The following CSMD3 variants were observed in gnomAD, a reference collection of about 807,000 sequenced individuals.
CSMD3 encodes CUB and sushi domain-containing protein 3.
Under a neutral mutation model 435.2 loss-of-function variants are expected in CSMD3, and 177 were observed. That is an observed-to-expected ratio of 0.41 (90% CI 0.36 to 0.46). The LOEUF is 0.46. CSMD3 is among the 20% of genes least tolerant of loss of function. The pLI is 0.34. For missense variants in CSMD3, 4,265 were observed against 4,504.6 expected (o/e 0.95, Z 1.52); for synonymous variants, 1,656 against 1,520.5 (o/e 1.09, Z -2.07).
chr8:112,888,002 C>T (rs529987998), intron 10 of CSMD3, among the ~76,000 whole-genome samples: 2 of 151,648 alleles, frequency 1.3e-5, no homozygotes, highest in South Asian at 4.1e-4. Context: ...ATTTCCCCTA[C>T]GTACATATAT....
At chr8:112,258,987 C>T (rs575984573) in intron 61 of CSMD3, among the ~76,000 whole-genome samples, 1 of 151,742 alleles carries the variant, frequency 6.6e-6, no homozygotes, top group Non-Finnish European at 1.5e-5. Context: ...TGCAGTGAGC[C>T]GAGATCGTGC....
chr8:113,136,044 C>A (rs1434127633), intron 4 of CSMD3, among the ~76,000 whole-genome samples: 3 of 151,612 alleles, frequency 2.0e-5, no homozygotes, highest in African/African-American at 4.8e-5. Context: ...AATTGAGAAA[C>A]TTAAGACATA....
intron 59 of CSMD3, among the ~76,000 whole-genome samples, chr8:112,271,782 G>T (rs184373495): frequency 6.6e-6 from 1 of 152,250 alleles, no homozygotes; most frequent in East Asian, 1.9e-4. Flanking sequence ...TATTATTTAT[G>T]AGAAGAAATA....
At chr8:113,328,950 C>T (rs2094006085) in intron 1 of CSMD3, among the ~76,000 whole-genome samples, 1 of 151,040 alleles carries the variant, frequency 6.6e-6, no homozygotes, top group African/African-American at 2.4e-5. Context: ...TCATGTTGCC[C>T]AGGCTAGGCT....
rs192282705 is a variant in CSMD3, at chr8:112,695,781, G to A, written c.1973-5731C>T. 1.2e-3 allele frequency among the ~76,000 whole-genome samples: 187 copies of A among 152,248 alleles called. 1 individual carries two copies. Among genetic ancestry groups the A allele is most frequent in the African/African-American group, 4.2e-3 (174 of 41,532 alleles). On this transcript the variant is annotated intron_variant, in intron 13 of 70. Transcript: ENST00000297405. The stretch of plus-strand genomic sequence containing the variant: ...AAAGGGTATTCAGTTAGGAAAAGTG[G>A]AAGTCAAATTGTCCCTGTTTGCAGA...
At chr8:113,190,919 C>T (rs1234827194) in intron 3 of CSMD3, among the ~76,000 whole-genome samples, 3 of 151,684 alleles carry the variant, frequency 2.0e-5, no homozygotes, top group Admixed American at 6.6e-5. Context: ...TTAAACTCTG[C>T]CAATTGTTTA....
intron 2 of CSMD3, chr8:113,310,541 A>G (rs988229607): frequency 1.3e-5 from 2 of 151,934 alleles, no homozygotes. Flanking sequence ...CAAAAAATAA[A>G]TTACAGGAGA....
At chr8:113,033,692 A>G (rs1315201562) in intron 5 of CSMD3, among the ~76,000 whole-genome samples, 1 of 151,292 alleles carries the variant, frequency 6.6e-6, no homozygotes, top group African/African-American at 2.4e-5. Context: ...TAATGCTGGA[A>G]TAAGTTAAGA....
intron 10 of CSMD3, among the ~76,000 whole-genome samples, chr8:112,884,350 C>T (rs926883797): frequency 4.6e-5 from 7 of 151,682 alleles, no homozygotes; most frequent in Admixed American, 2.6e-4. Context: ...TCTTCTATGA[C>T]TCTTAGCAGA....
At chr8:112,263,953 TG>T (rs1395721451) in intron 60 of CSMD3, 141 bp from the exon 61 acceptor site, 16 of 804,800 alleles carry the variant, frequency 2.0e-5, no homozygotes, top group Non-Finnish European at 2.9e-5. Context: ...CTTATTCTCC[TG>T]GTAGTGTTCC....
At chr8:112,368,548 T>C (rs2131161666) in intron 38 of CSMD3, among the ~76,000 whole-genome samples, 1 of 152,300 alleles carries the variant, frequency 6.6e-6, no homozygotes, top group South Asian at 2.1e-4. Context: ...AGTCTAAAAA[T>C]ATTTTAAGGC....
At chr8:113,401,346 A>C (rs995976886) in intron 1 of CSMD3, among the ~76,000 whole-genome samples, 1 of 151,790 alleles carries the variant, frequency 6.6e-6, no homozygotes, top group Non-Finnish European at 1.5e-5. Flanking sequence ...AGTTTATTCC[A>C]AAGTGTCCAG....
intron 32 of CSMD3, among the ~76,000 whole-genome samples, chr8:112,430,937 G>A (rs1813636467): frequency 6.6e-6 from 1 of 150,938 alleles, no homozygotes; most frequent in East Asian, 1.9e-4. Flanking sequence ...TTCACTTGAG[G>A]TAATGAAGGA....
intron 45 of CSMD3, among the ~76,000 whole-genome samples, chr8:112,324,685 G>A (rs907438257): frequency 1.3e-5 from 2 of 151,906 alleles, no homozygotes; most frequent in African/African-American, 4.8e-5. Context: ...AGACAGGATT[G>A]TACAAGTTAT....
intron 10 of CSMD3, among the ~76,000 whole-genome samples, chr8:112,863,177 T>G (rs2080874318): frequency 6.6e-6 from 1 of 152,064 alleles, no homozygotes; most frequent in African/African-American, 2.4e-5. Context: ...TGAATTAACT[T>G]TTCTCTGTAA....
intron 3 of CSMD3, among the ~76,000 whole-genome samples, chr8:113,190,685 GTTTT>G (rs113068906): frequency 1.4e-5 from 2 of 145,910 alleles, no homozygotes; most frequent in Non-Finnish European, 1.5e-5. Flanking sequence ...ATTTACTCTG[GTTTT>G]TTTTTTTTAT....
At chr8:112,990,989 G>A (rs879343971) in intron 6 of CSMD3, among the ~76,000 whole-genome samples, 3 of 151,594 alleles carry the variant, frequency 2.0e-5, no homozygotes, top group Admixed American at 1.3e-4. Flanking sequence ...GTTCCTAAAT[G>A]TGATTACCTC....
intron 1 of CSMD3, among the ~76,000 whole-genome samples, chr8:113,425,535 T>G (rs756960451): frequency 1.2e-4 from 18 of 151,318 alleles, no homozygotes; most frequent in Non-Finnish European, 2.1e-4. Flanking sequence ...TGGCAATATA[T>G]AAAAAATAAG....
At chr8:112,990,670 C>A (rs1417359913) in intron 6 of CSMD3, among the ~76,000 whole-genome samples, 37 of 151,698 alleles carry the variant, frequency 2.4e-4, no homozygotes. Context: ...GAATTAAAGA[C>A]CACTTAGTAT....
Sources: allele counts gnomAD v4.1 joint callset (sites outside exome capture counted in the v4.1 genomes callset), GRCh38; gene constraint gnomAD v4.1.1; transcripts MANE v1.5; gene names NCBI Gene and HGNC (gene_info 2026-07-23, HGNC 2026-07-21).